The following ARHGEF7 variants were observed in gnomAD, a reference collection of about 807,000 sequenced individuals.
ARHGEF7 encodes Rho guanine nucleotide exchange factor 7.
In ARHGEF7, 33 loss-of-function variants were observed where a neutral mutation model predicts 109.8. That is an observed-to-expected ratio of 0.30 (90% confidence interval 0.23 to 0.40). The LOEUF (loss-of-function observed/expected upper bound fraction) is 0.40, where lower values mean the gene tolerates loss of function less well. Among genes scored for constraint, ARHGEF7 ranks in the 10% least tolerant of loss-of-function variants. The pLI is 1.00. For synonymous variants in ARHGEF7, 458 were observed against 424.6 expected (o/e 1.08, Z -0.97); for missense variants, 938 against 1,098.5 (o/e 0.85, Z 2.07).
rs1177310962 is a variant in ARHGEF7 at position 111,272,738 on chromosome 13, C to T, written c.1074-1076C>T. ...GCCAGCGCTGGTGCTGCCTCCCCTC[C>T]TTTCTGTGGGCTGTACACTGTCAGA... is the stretch of plus-strand genomic sequence containing the variant. On this transcript the variant is annotated intron_variant, in intron 9 of 21. Coordinates refer to ENST00000646102, the MANE Select transcript of ARHGEF7 (RefSeq NM_001354046.2). This position sits in a 1 kb window ranked among gnomAD's most constrained non-coding sequence, Gnocchi z 5.2. Among the ~76,000 whole-genome samples, 1 of 152,162 alleles carries T rather than the reference C, an allele frequency of 6.6e-6. No homozygotes were observed. Among genetic ancestry groups the T allele is most frequent in the Non-Finnish European group, 1.5e-5 (1 of 68,024 alleles).
chr13:111,116,060 C>T (rs4771731), intron 1 of ARHGEF7, among the ~76,000 whole-genome samples: 51,222 of 152,164 alleles, frequency 0.34, 8,989 homozygotes, highest in Middle Eastern at 0.49. Flanking sequence ...AACCGCGTTC[C>T]GACGCGGTGC....
intron 6 of ARHGEF7, among the ~76,000 whole-genome samples, chr13:111,242,075 T>C (rs1053876596): frequency 1.3e-5 from 2 of 152,054 alleles, no homozygotes; most frequent in African/African-American, 2.4e-5. Context: ...AAGGAAGACA[T>C]TGTGGTTGTG....
At chr13:111,296,026 C>T (rs557351246) in intron 19 of ARHGEF7, among the ~76,000 whole-genome samples, 7 of 152,292 alleles carry the variant, frequency 4.6e-5, no homozygotes, top group East Asian at 3.9e-4. Context: ...AGTTGCGCTG[C>T]GTTGCTCCTG....
At chr13:111,223,816 T>A (rs774277880) in intron 5 of ARHGEF7, among the ~76,000 whole-genome samples, 2 of 152,170 alleles carry the variant, frequency 1.3e-5, no homozygotes, top group African/African-American at 2.4e-5. Context: ...TTATTTTCTG[T>A]GCACCTTTTT....
rs145932026 is a variant in ARHGEF7 at position 111,144,432 on chromosome 13, T to C, written c.166-9473T>C. On this transcript the variant is annotated intron_variant, in intron 1 of 21. Coordinates refer to ENST00000646102, the MANE Select transcript of ARHGEF7 (RefSeq NM_001354046.2). ...CTTGGCATTTCTGCCTGTTGCTTCA[T>C]GTTTTCCAATGGATTTGGAGGAAGA... The C allele has an allele frequency of 2.0e-5, 3 of 152,386 alleles. No individual in the cohort carries two copies. The East Asian group carries it at 5.8e-4, about 29-fold the overall frequency. 9.4% of individuals were successfully genotyped at this position (152,386 alleles called of 1,614,324 possible). A position where few individuals can be genotyped will look rare whatever the true frequency, so the allele number is the denominator to read the frequency against.
At chr13:111,243,778 T>A (rs1170380892) in intron 6 of ARHGEF7, 94 bp from the exon 7 acceptor site, 2 of 754,930 alleles carry the variant, frequency 2.6e-6, no homozygotes, top group Non-Finnish European at 4.3e-6. Context: ...ACAGTGTGAA[T>A]TGAACAATGG....
chr13:111,202,285 C>T (rs551023194), intron 2 of ARHGEF7, among the ~76,000 whole-genome samples: 2 of 152,336 alleles, frequency 1.3e-5, no homozygotes, highest in East Asian at 3.9e-4. Context: ...TAATGACCTT[C>T]CTTACCTCAC....
chr13:111,279,521 G>A (rs2092672350), intron 13 of ARHGEF7, among the ~76,000 whole-genome samples: 1 of 152,252 alleles, frequency 6.6e-6, no homozygotes, highest in South Asian at 2.1e-4. Context: ...AGCTGATGGA[G>A]TGCTCCCCAG....
chr13:111,268,882 G>A (rs1230500006), intron 9 of ARHGEF7, among the ~76,000 whole-genome samples: 1 of 152,128 alleles, frequency 6.6e-6, no homozygotes, highest in Admixed American at 6.5e-5. Flanking sequence ...TTTTAAAAAA[G>A]ACCCTGGATA....
rs986187855 is a variant in ARHGEF7 at position 111,205,181 on chromosome 13, C to T, written c.253-108C>T. 3.9e-6 allele frequency: 3 copies of T among 777,656 alleles called. No homozygotes were observed. In the East Asian group the frequency reaches 8.4e-5, roughly 22 times the overall value. 48.2% of individuals were successfully genotyped at this position (777,656 alleles called of 1,614,324 possible). A position where few individuals can be genotyped will look rare whatever the true frequency, so the allele number is the denominator to read the frequency against. On this transcript the variant is annotated intron_variant, in intron 2 of 21. Coordinates refer to ENST00000646102, the MANE Select transcript of ARHGEF7 (RefSeq NM_001354046.2). ...GTCTCCCTGTCGCAGGTTGTGCGGT[C>T]TCCTTAGGATTTCAGGCTGAGCATC...
chr13:111,225,336 C>T (rs1047606535), intron 5 of ARHGEF7, among the ~76,000 whole-genome samples: 5 of 152,088 alleles, frequency 3.3e-5, no homozygotes, highest in African/African-American at 1.2e-4. Flanking sequence ...GACGGAAGAG[C>T]TCATGTGGGG....
chr13:111,213,431 T>G (rs1454007589), intron 4 of ARHGEF7, among the ~76,000 whole-genome samples: 2 of 152,212 alleles, frequency 1.3e-5, no homozygotes, highest in Non-Finnish European at 2.9e-5. Context: ...TGAAGTTTTA[T>G]ACATGGAACA....
intron 5 of ARHGEF7, among the ~76,000 whole-genome samples, chr13:111,224,980 G>GC (rs1356921584): frequency 1.3e-5 from 2 of 152,062 alleles, no homozygotes; most frequent in African/African-American, 4.8e-5. Flanking sequence ...GAAGATATGG[G>GC]CCCCCCGAGG....
intron 1 of ARHGEF7, among the ~76,000 whole-genome samples, chr13:111,151,606 T>A (rs1440605350): frequency 1.3e-5 from 2 of 152,244 alleles, no homozygotes; most frequent in Non-Finnish European, 2.9e-5. Flanking sequence ...AGCAGCCTCA[T>A]GTACAGATGT....
At chr13:111,166,715 C>G (rs1289908065) in intron 2 of ARHGEF7, among the ~76,000 whole-genome samples, 1 of 152,196 alleles carries the variant, frequency 6.6e-6, no homozygotes, top group Non-Finnish European at 1.5e-5. Flanking sequence ...CTGGCAGGGC[C>G]AGATGTGGGC....
At chr13:111,172,040 T>C (rs1268204117) in intron 2 of ARHGEF7, among the ~76,000 whole-genome samples, 2 of 152,226 alleles carry the variant, frequency 1.3e-5, no homozygotes, top group Non-Finnish European at 2.9e-5. Context: ...TTATGGTATT[T>C]TCTTACAGCA....
At chr13:111,161,501 A>T (rs2076739930) in intron 2 of ARHGEF7, among the ~76,000 whole-genome samples, 1 of 152,194 alleles carries the variant, frequency 6.6e-6, no homozygotes, top group South Asian at 2.1e-4. Context: ...AATTCATGCA[A>T]AACTCTTAGA....
At chr13:111,234,780 C>T (rs1005848746) in intron 6 of ARHGEF7, among the ~76,000 whole-genome samples, 4 of 152,026 alleles carry the variant, frequency 2.6e-5, no homozygotes, top group African/African-American at 9.7e-5. Context: ...TGCCTTCCAT[C>T]TCAACTTTGT....
intron 8 of ARHGEF7, among the ~76,000 whole-genome samples, chr13:111,249,288 C>G (rs1323932357): frequency 6.6e-6 from 1 of 151,990 alleles, no homozygotes; most frequent in Admixed American, 6.6e-5. Context: ...CCATCCTTCC[C>G]CAGAATATAC....
Sources: gnomAD v4.1 joint callset for allele counts (sites outside exome capture counted in the v4.1 genomes callset) on GRCh38, gnomAD v4.1.1 for gene constraint, Gnocchi (gnomAD v3.1) non-coding constraint, MANE v1.5 for transcripts, NCBI Gene and HGNC (gene_info 2026-07-23, HGNC 2026-07-21) for gene names.